Variants in NIPBL observed in about 807,000 individuals in gnomAD.
The protein encoded by NIPBL is nipped-B-like protein.
NIPBL carries 19 observed loss-of-function variants against 321.8 expected under a neutral mutation model. The observed-to-expected ratio is 0.06, with a 90% CI of 0.04 to 0.09. The LOEUF (loss-of-function observed/expected upper bound fraction) is 0.09. Among genes scored for constraint, NIPBL ranks in the 10% least tolerant of loss-of-function variants. The probability of loss-of-function intolerance (pLI) is 1.00; values close to 1 mark genes in which losing one functional copy is unlikely to be tolerated. For missense variants in NIPBL, 2,210 were observed against 3,327.0 expected (o/e 0.66, Z 8.26); for synonymous variants, 1,106 against 1,114.1 (o/e 0.99, Z 0.14).
At chr5:37,004,221 C>G (rs1454266824) in intron 16 of NIPBL, among the ~76,000 whole-genome samples, 1 of 152,118 alleles carries the variant, frequency 6.6e-6, no homozygotes, top group African/African-American at 2.4e-5. Flanking sequence ...AACATGCTTG[C>G]AATGGTTTAT....
chr5:37,031,848 A>G (rs951370801), intron 32 of NIPBL, among the ~76,000 whole-genome samples: 3 of 152,228 alleles, frequency 2.0e-5, no homozygotes, highest in African/African-American at 7.2e-5. Context: ...AGCCTTACGT[A>G]GAAGAGTACA....
chr5:36,959,568 G>A (rs1024720218), intron 4 of NIPBL, among the ~76,000 whole-genome samples: 1 of 152,116 alleles, frequency 6.6e-6, no homozygotes, highest in African/African-American at 2.4e-5. Context: ...AAAAATGTTG[G>A]AATTGAAAGA....
chr5:36,983,284 G>A (rs1490811193), intron 9 of NIPBL, among the ~76,000 whole-genome samples: 3 of 151,856 alleles, frequency 2.0e-5, no homozygotes, highest in Admixed American at 6.6e-5. Context: ...ACAACTGAAG[G>A]AGCAGAAGGA....
chr5:37,033,271 A>G (rs2149713583), intron 32 of NIPBL, among the ~76,000 whole-genome samples: 1 of 152,276 alleles, frequency 6.6e-6, no homozygotes, highest in South Asian at 2.1e-4. Context: ...TGTAAAATGT[A>G]TATGGAAAAG....
chr5:36,912,646 C>T (rs1748135931), intron 1 of NIPBL, among the ~76,000 whole-genome samples: 1 of 151,806 alleles, frequency 6.6e-6, no homozygotes. Flanking sequence ...GGATTACAGG[C>T]ATGTGCCACC....
At chr5:37,029,974 G>A (rs1750771388) in intron 32 of NIPBL, among the ~76,000 whole-genome samples, 1 of 152,002 alleles carries the variant, frequency 6.6e-6, no homozygotes, top group East Asian at 1.9e-4. Context: ...ATCCCAAAAG[G>A]TACATCATGA....
intron 1 of NIPBL, among the ~76,000 whole-genome samples, chr5:36,896,685 C>T (rs902873876): frequency 2.6e-5 from 4 of 152,082 alleles, no homozygotes; most frequent in Admixed American, 6.5e-5. Flanking sequence ...CTGTAAAGTC[C>T]GCCTCCCTGG....
chr5:36,927,627 A>G (rs994048226), intron 1 of NIPBL, among the ~76,000 whole-genome samples: 1 of 152,204 alleles, frequency 6.6e-6, no homozygotes, highest in Non-Finnish European at 1.5e-5. Flanking sequence ...AAGGAACTGG[A>G]CAAATGAGTT....
intron 1 of NIPBL, among the ~76,000 whole-genome samples, chr5:36,881,785 T>C (rs1745525561): frequency 6.6e-6 from 1 of 151,990 alleles, no homozygotes. Flanking sequence ...ATATTCTGTA[T>C]TTATAATACT....
intron 1 of NIPBL, among the ~76,000 whole-genome samples, chr5:36,923,454 A>G (rs531865452): frequency 6.6e-6 from 1 of 152,268 alleles, no homozygotes; most frequent in South Asian, 2.1e-4. Context: ...AACTAGAGTA[A>G]TCTTTGAATA....
intron 9 of NIPBL, among the ~76,000 whole-genome samples, chr5:36,981,833 A>G (rs971357243): frequency 1.1e-4 from 17 of 151,788 alleles, no homozygotes; most frequent in African/African-American, 2.4e-4. Flanking sequence ...TTAAAAGTCA[A>G]TGATTACCTA....
intron 1 of NIPBL, among the ~76,000 whole-genome samples, chr5:36,887,461 G>C (rs139807317): frequency 6.6e-6 from 1 of 152,100 alleles, no homozygotes; most frequent in African/African-American, 2.4e-5. Context: ...GAAAATTGGG[G>C]GCAGATAATG....
At position 36,976,086 on chromosome 5, in the gene NIPBL, T is replaced by G. The variant is rs1382869505; in HGVS notation, c.1179T>G (p.Asn393Lys). The G allele has an allele frequency of 1.2e-6, 2 of 1,613,954 alleles. No homozygotes were observed. Among genetic ancestry groups the G allele is most frequent in the Non-Finnish European group, 1.7e-6 (2 of 1,179,970 alleles). Residue 393 changes from asparagine to lysine, a missense_variant, in exon 9 of 47, where the codon AAT becomes AAG. By Grantham distance (94) the Asn-to-Lys change is moderately conservative (BLOSUM62 0). Coordinates refer to ENST00000282516, the MANE Select transcript of NIPBL (RefSeq NM_133433.4). ...SNVSENDIPF[N>K]VQYPGQTSKT... ...TTTCAGAAAATGATATTCCTTTTAA[T>G]GTGCAGTACCCAGGACAGACTTCAA...
chr5:36,922,840 C>G (rs1749051254), intron 1 of NIPBL, among the ~76,000 whole-genome samples: 1 of 152,114 alleles, frequency 6.6e-6, no homozygotes, highest in African/African-American at 2.4e-5. Flanking sequence ...CTTTCTTTAC[C>G]TTACCTTTGA....
At chr5:37,008,765 C>T in intron 20 of NIPBL, 42 bp downstream of exon 20, 1 of 955,354 alleles carries the variant, frequency 1.0e-6, no homozygotes, top group Non-Finnish European at 1.7e-6. Flanking sequence ...GAAGAACCAC[C>T]ATTATATTGA....
At chr5:36,959,377 T>TA (rs1741339418) in intron 4 of NIPBL, among the ~76,000 whole-genome samples, 1 of 152,202 alleles carries the variant, frequency 6.6e-6, no homozygotes, top group East Asian at 1.9e-4. Flanking sequence ...AGCAATTGCA[T>TA]AGTTACTATT....
In NIPBL at chr5:36,995,707, G is replaced by A. The variant is rs1360784805; in HGVS notation, c.3207G>A (p.Val1069=). 6.2e-7 allele frequency: 1 copy of A among 1,613,782 alleles called. No individual in the cohort carries two copies. The highest frequency in any genetic ancestry group is 8.5e-7 in the Non-Finnish European group (1 of 1,179,836). ...IESTMPLCER[V]KMNKRKRSTV... is the part of the protein sequence containing the mutation. The stretch of plus-strand genomic sequence containing the variant: ...CCACCATGCCACTTTGTGAACGTGT[G>A]AAAATGAACAAACGCAAGCGTAGCA... The change falls in exon 11 of 47, where the codon GTG becomes GTA. Residue 1069 remains valine (V), a synonymous_variant. Transcript: ENST00000282516.
In NIPBL at chr5:37,046,093, G is replaced by T; in HGVS notation, c.6499-16G>T. 1 of 1,315,232 alleles carries T rather than the reference G, an allele frequency of 7.6e-7. No individual in the cohort carries two copies. 81.5% of individuals were successfully genotyped at this position (1,315,232 alleles called of 1,614,324 possible). A position where few individuals can be genotyped will look rare whatever the true frequency, so the allele number is the denominator to read the frequency against. On this transcript the variant is annotated splice_polypyrimidine_tract_variant and intron_variant, in intron 37 of 46. Coordinates refer to ENST00000282516, the MANE Select transcript of NIPBL (RefSeq NM_133433.4). ...TTACTGTTCATGAACACTTTAATGT[G>T]TTTTCCTCCCCTTAGGTTAACATAA...
chr5:36,931,408 C>G (rs558319130), intron 1 of NIPBL, among the ~76,000 whole-genome samples: 1 of 151,340 alleles, frequency 6.6e-6, no homozygotes, highest in East Asian at 2.0e-4. Flanking sequence ...GCCTCTGCCT[C>G]CTAGGCTCAA....
Sources: allele counts gnomAD v4.1 joint callset (sites outside exome capture counted in the v4.1 genomes callset), GRCh38; gene constraint gnomAD v4.1.1; transcripts MANE v1.5; gene names NCBI Gene and HGNC (gene_info 2026-07-23, HGNC 2026-07-21).